Variants in BAZ1A observed in about 807,000 individuals in gnomAD.
The protein encoded by BAZ1A is bromodomain adjacent to zinc finger domain 1A, also known as bromodomain adjacent to zinc finger domain protein 1A.
A neutral mutation model predicts 185.2 loss-of-function variants in BAZ1A; 50 were observed. The ratio of observed to expected loss-of-function variants is 0.27; its 90% CI spans 0.22 to 0.34. The LOEUF is 0.34. Ranked by LOEUF, BAZ1A falls within the 10% of genes least tolerant of loss-of-function variation. The pLI, the probability that BAZ1A is intolerant of heterozygous loss-of-function variation, is 1.00. For missense variants in BAZ1A, 1,356 were observed against 1,839.9 expected (o/e 0.74, Z 4.81); for synonymous variants, 571 against 615.6 (o/e 0.93, Z 1.07).
At chr14:34,759,033 T>C (rs1178657494) in intron 24 of BAZ1A, among the ~76,000 whole-genome samples, 187 bp from the exon 25 acceptor site, 1 of 152,150 alleles carries the variant, frequency 6.6e-6, no homozygotes, top group Non-Finnish European at 1.5e-5. Flanking sequence ...TATTTCCTTT[T>C]TGATCTTAAA....
intron 26 of BAZ1A, among the ~76,000 whole-genome samples, 188 bp from the exon 27 acceptor site, chr14:34,753,892 A>G (rs551932690): frequency 6.6e-6 from 1 of 151,958 alleles, no homozygotes; most frequent in South Asian, 2.1e-4. Flanking sequence ...CTGAGGCAGG[A>G]GGATCACTTG....
intron 6 of BAZ1A, among the ~76,000 whole-genome samples, chr14:34,806,538 C>G (rs768068072): frequency 3.3e-5 from 5 of 152,064 alleles, no homozygotes; most frequent in Non-Finnish European, 7.4e-5. Flanking sequence ...AGGCTCCATT[C>G]TATTGCTTTT....
intron 2 of BAZ1A, among the ~76,000 whole-genome samples, chr14:34,865,525 T>C (rs954683457): frequency 6.6e-6 from 1 of 152,178 alleles, no homozygotes; most frequent in African/African-American, 2.4e-5. Context: ...TCTCCAAAAA[T>C]TGGGGGCAAT....
chr14:34,865,773 T>C (rs2042848215), intron 2 of BAZ1A, among the ~76,000 whole-genome samples: 1 of 152,070 alleles, frequency 6.6e-6, no homozygotes, highest in Non-Finnish European at 1.5e-5. Context: ...AAAGCAGTTA[T>C]CCTTATAAGC....
chr14:34,814,227 AATT>A (rs958717858), intron 4 of BAZ1A, among the ~76,000 whole-genome samples: 37 of 142,222 alleles, frequency 2.6e-4, no homozygotes, highest in South Asian at 1.2e-3. Context: ...TTGTACTTAA[AATT>A]ATTACCAGTG....
intron 4 of BAZ1A, among the ~76,000 whole-genome samples, chr14:34,821,702 G>T (rs7144793): frequency 0.57 from 87,394 of 152,112 alleles, 25,381 homozygotes; most frequent in South Asian, 0.67. Context: ...AAATAATTGT[G>T]AGCCAGGCAG....
chr14:34,864,705 C>CAG (rs2042826428), intron 2 of BAZ1A, among the ~76,000 whole-genome samples: 1 of 148,446 alleles, frequency 6.7e-6, no homozygotes, highest in Non-Finnish European at 1.5e-5. Flanking sequence ...CTCCTGACCT[C>CAG]GTGATCCACC....
At chr14:34,865,251 A>T (rs563183967) in intron 2 of BAZ1A, among the ~76,000 whole-genome samples, 21 of 152,128 alleles carry the variant, frequency 1.4e-4, no homozygotes, top group African/African-American at 3.9e-4. Flanking sequence ...CTGAAAAAAA[A>T]TTTTTTTATA....
Position 34,783,845 on chromosome 14 carries a change from A to C in BAZ1A, c.1914T>G (p.Val638=). ...VSTRDFIEDY[V]DILRQAKQEF... is the part of the protein sequence containing the mutation. ...CCTGCTTTGCCTGTCGTAATATATC[A>C]ACATAATCTTCAATAAAATCCCTAG... Residue 638 remains valine (V), a synonymous_variant, in exon 15 of 27, where the codon GTT becomes GTG. Transcript: ENST00000360310. The C allele has an allele frequency of 6.2e-7, 1 of 1,613,648 alleles. No individual in the cohort carries two copies. Among genetic ancestry groups the C allele is most frequent in the Non-Finnish European group, 8.5e-7 (1 of 1,179,868 alleles).
intron 21 of BAZ1A, chr14:34,771,122 C>T: frequency 5.8e-6 from 1 of 171,202 alleles, no homozygotes; most frequent in Non-Finnish European, 1.2e-5. Context: ...CCACCCCAGC[C>T]TCTGGGACTA....
intron 9 of BAZ1A, among the ~76,000 whole-genome samples, 166 bp downstream of exon 9, chr14:34,800,058 T>C (rs1417133067): frequency 2.0e-5 from 3 of 152,234 alleles, no homozygotes; most frequent in African/African-American, 4.8e-5. Context: ...CGTAAAGGCA[T>C]GTTAAATTTT....
chr14:34,778,458 A>G (rs1879810464), intron 17 of BAZ1A, among the ~76,000 whole-genome samples: 1 of 152,158 alleles, frequency 6.6e-6, no homozygotes, highest in South Asian at 2.1e-4. Flanking sequence ...TGCTTGAAAG[A>G]GTTTGTGTAA....
intron 26 of BAZ1A, among the ~76,000 whole-genome samples, chr14:34,754,551 T>C (rs1001623881): frequency 2.0e-5 from 3 of 152,210 alleles, no homozygotes; most frequent in African/African-American, 7.2e-5. Context: ...AATTATGTGA[T>C]CATATACATT....
At chr14:34,868,894 ATGTATGTGTGTGTGTG>A (rs1452514939) in intron 2 of BAZ1A, among the ~76,000 whole-genome samples, 1 of 71,070 alleles carries the variant, frequency 1.4e-5, no homozygotes, top group Non-Finnish European at 3.3e-5. Flanking sequence ...GTATGTAAGT[ATGTATGTGTGTGTGTG>A]TGTGTGTGTG....
chr14:34,790,024 C>T (rs986868194), intron 12 of BAZ1A, among the ~76,000 whole-genome samples: 2 of 152,052 alleles, frequency 1.3e-5, no homozygotes, highest in African/African-American at 2.4e-5. Context: ...TGAAACAATG[C>T]GTAGTCTCTT....
rs141932931 is a variant in BAZ1A at position 34,757,807 on chromosome 14, C to T, written c.4386+897G>A. 9.0e-3 allele frequency among the ~76,000 whole-genome samples: 1,341 copies of T among 148,638 alleles called. 20 individuals carry two copies. The highest frequency in any genetic ancestry group is 0.032 in the African/African-American group (1,289 of 40,160). On this transcript the variant is annotated intron_variant, in intron 25 of 26. Coordinates refer to ENST00000360310, the MANE Select transcript of BAZ1A (RefSeq NM_013448.3). Reference sequence around the variant, plus strand: ...CAGCCTGGAGTGTGGACTGCAATGGCGCGATCTCGGCTCACTGCAACTTCT... The same window carrying T: ...CAGCCTGGAGTGTGGACTGCAATGGTGCGATCTCGGCTCACTGCAACTTCT...
intron 3 of BAZ1A, among the ~76,000 whole-genome samples, chr14:34,853,049 C>CAA (rs35471724): frequency 1.5e-4 from 23 of 148,722 alleles, no homozygotes; most frequent in South Asian, 6.4e-4. Flanking sequence ...TGAACAATTA[C>CAA]AAAAAAAAAA....
intron 2 of BAZ1A, among the ~76,000 whole-genome samples, chr14:34,871,892 G>C (rs1217514671): frequency 6.6e-6 from 1 of 152,080 alleles, no homozygotes; most frequent in Non-Finnish European, 1.5e-5. Flanking sequence ...AGCCTGCAGA[G>C]GTTTCCGTCA....
At chr14:34,870,850 C>T (rs1042635505) in intron 2 of BAZ1A, among the ~76,000 whole-genome samples, 6 of 152,208 alleles carry the variant, frequency 3.9e-5, no homozygotes, top group African/African-American at 1.4e-4. Flanking sequence ...TAAAAGGAGG[C>T]TGTTGAAAGG....
Sources: allele counts gnomAD v4.1 joint callset (sites outside exome capture counted in the v4.1 genomes callset), GRCh38; gene constraint gnomAD v4.1.1; transcripts MANE v1.5; gene names NCBI Gene and HGNC (gene_info 2026-07-23, HGNC 2026-07-21).